The following EFNA5 variants were observed in gnomAD, a reference collection of about 807,000 sequenced individuals.
EFNA5 encodes ephrin-A5.
A neutral mutation model predicts 22.9 loss-of-function variants in EFNA5; 5 were observed. That is an observed-to-expected ratio of 0.22 (90% CI 0.11 to 0.46). The LOEUF (loss-of-function observed/expected upper bound fraction) is 0.46, where lower values mean the gene tolerates loss of function less well. Among genes scored for constraint, EFNA5 ranks in the 20% least tolerant of loss-of-function variants. The pLI is 0.99. For missense variants in EFNA5, 237 were observed against 293.3 expected (o/e 0.81, Z 1.40); for synonymous variants, 113 against 112.2 (o/e 1.01, Z -0.04).
chr5:107,462,626 T>C (rs1381771425), intron 1 of EFNA5, among the ~76,000 whole-genome samples: 2 of 152,098 alleles, frequency 1.3e-5, no homozygotes, highest in African/African-American at 4.8e-5. Flanking sequence ...CCCAGAGACT[T>C]TGTGATGAAC....
intron 2 of EFNA5, among the ~76,000 whole-genome samples, chr5:107,416,896 C>G (rs1364374982): frequency 1.3e-5 from 2 of 151,750 alleles, no homozygotes; most frequent in Admixed American, 6.6e-5. Flanking sequence ...GGTTGAGGAC[C>G]AACAGAAACT....
chr5:107,556,347 A>G (rs1748414489), intron 1 of EFNA5, among the ~76,000 whole-genome samples: 1 of 152,208 alleles, frequency 6.6e-6, no homozygotes, highest in Admixed American at 6.5e-5. Context: ...AACCACCACC[A>G]AAAACCTGCA....
At chr5:107,386,432 G>A (rs966252965) in intron 4 of EFNA5, among the ~76,000 whole-genome samples, 3 of 152,074 alleles carry the variant, frequency 2.0e-5, no homozygotes, top group African/African-American at 7.2e-5. Context: ...ATAACCGAAT[G>A]GATATTTACA....
intron 1 of EFNA5, among the ~76,000 whole-genome samples, chr5:107,539,011 A>G (rs1318864947): frequency 1.3e-5 from 2 of 152,242 alleles, no homozygotes; most frequent in African/African-American, 4.8e-5. Flanking sequence ...CTTGTGAGGC[A>G]TAAGACACAG....
intron 1 of EFNA5, among the ~76,000 whole-genome samples, chr5:107,553,796 A>G (rs542875415): frequency 5.9e-5 from 9 of 152,138 alleles, no homozygotes; most frequent in Non-Finnish European, 1.5e-5. Flanking sequence ...GAATATTGAC[A>G]TTTTTGGTCT....
chr5:107,580,282 T>G (rs886132078), intron 1 of EFNA5, among the ~76,000 whole-genome samples: 1 of 152,180 alleles, frequency 6.6e-6, no homozygotes, highest in African/African-American at 2.4e-5. Flanking sequence ...CACCTACATT[T>G]AAAAATTAGG....
rs547237350 is a variant in EFNA5 at position 107,381,165 on chromosome 5, C to G, written c.*90G>C. 1.2e-5 allele frequency: 18 copies of G among 1,483,042 alleles called. 1 individual carries two copies. The African/African-American group carries it at 2.2e-4, about 18-fold the overall frequency. The allele number at this position is 1,483,042 out of a possible 1,614,324, so 91.9% of individuals were successfully genotyped here. A position where few individuals can be genotyped will look rare whatever the true frequency, so the allele number is the denominator to read the frequency against. Reference sequence around the variant, plus strand: ...TCTGACATCTGCCAAAACCCAATAACAAGTCCCTTCTTAGGATGAGCAGTT... The same window carrying G: ...TCTGACATCTGCCAAAACCCAATAAGAAGTCCCTTCTTAGGATGAGCAGTT... On this transcript the variant is annotated 3_prime_UTR_variant, in exon 5 of 5. Transcript: ENST00000333274.
chr5:107,637,631 T>C (rs1289727420), intron 1 of EFNA5, among the ~76,000 whole-genome samples: 2 of 150,416 alleles, frequency 1.3e-5, no homozygotes, highest in Admixed American at 6.7e-5. Flanking sequence ...AAGATACATA[T>C]AGTGTATGTG....
intron 1 of EFNA5, among the ~76,000 whole-genome samples, chr5:107,613,811 T>C (rs988334337): frequency 4.6e-5 from 7 of 152,110 alleles, no homozygotes; most frequent in African/African-American, 1.7e-4. Flanking sequence ...CTAACAGCTC[T>C]TCATTTCAAC....
At chr5:107,495,577 T>C (rs1259914519) in intron 1 of EFNA5, among the ~76,000 whole-genome samples, 1 of 152,232 alleles carries the variant, frequency 6.6e-6, no homozygotes, top group East Asian at 1.9e-4. Flanking sequence ...TTATTCATTT[T>C]TAGCAAATAT....
At position 107,506,717 on chromosome 5, in the gene EFNA5, G is replaced by C. The variant is rs139475820; in HGVS notation, c.126-79208C>G. Reference sequence around the variant, plus strand: ...GGAAATAACATGATCAGAAGAGCAAGGCAGGAAAAACAGTTTTGGCTGCAG... The same window carrying C: ...GGAAATAACATGATCAGAAGAGCAACGCAGGAAAAACAGTTTTGGCTGCAG... On this transcript the variant is annotated intron_variant, in intron 1 of 4. Coordinates refer to ENST00000333274, the MANE Select transcript of EFNA5 (RefSeq NM_001962.3). 2.3e-3 allele frequency among the ~76,000 whole-genome samples: 353 copies of C among 152,152 alleles called. 1 individual carries two copies. Among genetic ancestry groups the C allele is most frequent in the African/African-American group, 8.2e-3 (339 of 41,518 alleles).
At chr5:107,574,163 G>A (rs373341849) in intron 1 of EFNA5, among the ~76,000 whole-genome samples, 3 of 152,140 alleles carry the variant, frequency 2.0e-5, no homozygotes, top group East Asian at 1.9e-4. Flanking sequence ...AATTTAAGAC[G>A]TATTCATACT....
intron 1 of EFNA5, among the ~76,000 whole-genome samples, chr5:107,494,592 C>T (rs867309098): frequency 2.0e-5 from 3 of 152,232 alleles, no homozygotes; most frequent in Non-Finnish European, 2.9e-5. Context: ...GCACACGGCA[C>T]GGGACTGGCA....
At chr5:107,409,241 C>A (rs1427377026) in intron 2 of EFNA5, among the ~76,000 whole-genome samples, 1 of 152,214 alleles carries the variant, frequency 6.6e-6, no homozygotes, top group Non-Finnish European at 1.5e-5. Context: ...GCTAGAAGCA[C>A]CTACATTTCC....
At chr5:107,497,938 C>T (rs952935430) in intron 1 of EFNA5, among the ~76,000 whole-genome samples, 3 of 152,106 alleles carry the variant, frequency 2.0e-5, no homozygotes, top group East Asian at 1.9e-4. Flanking sequence ...TTTTTTGAGA[C>T]GGAGTCTCAA....
intron 1 of EFNA5, among the ~76,000 whole-genome samples, chr5:107,508,808 G>A (rs1311906062): frequency 1.3e-5 from 2 of 152,094 alleles, no homozygotes; most frequent in East Asian, 3.8e-4. Context: ...TCCACTTAAA[G>A]GTGTTTCAAT....
intron 1 of EFNA5, among the ~76,000 whole-genome samples, chr5:107,577,494 A>T (rs1468804015): frequency 6.6e-6 from 1 of 152,194 alleles, no homozygotes; most frequent in East Asian, 1.9e-4. Flanking sequence ...CCGAAACGGG[A>T]AATTTAAGGA....
chr5:107,516,290 G>C (rs142455526), intron 1 of EFNA5, among the ~76,000 whole-genome samples: 1 of 151,176 alleles, frequency 6.6e-6, no homozygotes, highest in Non-Finnish European at 1.5e-5. Context: ...CTCTCGCCTC[G>C]GCCTCCCAAA....
At chr5:107,547,178 T>C (rs1211908298) in intron 1 of EFNA5, among the ~76,000 whole-genome samples, 2 of 152,214 alleles carry the variant, frequency 1.3e-5, no homozygotes, top group East Asian at 1.9e-4. Flanking sequence ...CACTGTACCA[T>C]TGGCCTGTCT....
Sources: gnomAD v4.1 joint callset for allele counts (sites outside exome capture counted in the v4.1 genomes callset) on GRCh38, gnomAD v4.1.1 for gene constraint, MANE v1.5 for transcripts, NCBI Gene and HGNC (gene_info 2026-07-23, HGNC 2026-07-21) for gene names.